SLC38A9: variants seen among roughly 807,000 people sequenced by gnomAD.
SLC38A9 encodes the protein solute carrier family 38 member 9.
Under a neutral mutation model 62.3 loss-of-function variants are expected in SLC38A9, and 48 were observed. That is an observed-to-expected ratio of 0.77 (90% CI 0.61 to 0.98). The LOEUF is 0.98. Among genes scored for constraint, SLC38A9 ranks in the 50% least tolerant of loss-of-function variants. The pLI, the probability that SLC38A9 is intolerant of heterozygous loss-of-function variation, is 0.00. For synonymous variants in SLC38A9, 204 were observed against 227.7 expected, an observed-to-expected ratio of 0.90 and a Z score of 0.94; for missense variants, 541 against 679.8, an observed-to-expected ratio of 0.80 and a Z score of 2.27.
chr5:55,688,472 C>T (rs375042383), intron 3 of SLC38A9, among the ~76,000 whole-genome samples: 6 of 151,350 alleles, frequency 4.0e-5, no homozygotes, highest in East Asian at 3.9e-4. Context: ...CTCTGCCTCC[C>T]GGGTTCACAC....
At chr5:55,664,252 T>C (rs1205913899) in intron 8 of SLC38A9, among the ~76,000 whole-genome samples, 1 of 152,146 alleles carries the variant, frequency 6.6e-6, no homozygotes, top group Non-Finnish European at 1.5e-5. Flanking sequence ...AAGTAGCTGA[T>C]TTGGGTAAAT....
chr5:55,685,150 C>G (rs1252054643), intron 3 of SLC38A9, among the ~76,000 whole-genome samples: 4 of 152,226 alleles, frequency 2.6e-5, no homozygotes, highest in Non-Finnish European at 5.9e-5. Context: ...TTCTCAACAA[C>G]TTGGTCAGCC....
intron 8 of SLC38A9, among the ~76,000 whole-genome samples, chr5:55,662,374 T>C (rs1310086230): frequency 6.6e-6 from 1 of 152,124 alleles, no homozygotes; most frequent in East Asian, 1.9e-4. Context: ...AGCGTTTATG[T>C]AGATTAAAAA....
intron 2 of SLC38A9, among the ~76,000 whole-genome samples, chr5:55,706,760 A>C (rs1338656678): frequency 6.6e-6 from 1 of 152,192 alleles, no homozygotes; most frequent in Non-Finnish European, 1.5e-5. Context: ...GTCAATTAGC[A>C]TGATGTTAAA....
chr5:55,660,586 A>G (rs150653979), intron 8 of SLC38A9, among the ~76,000 whole-genome samples: 46 of 152,316 alleles, frequency 3.0e-4, no homozygotes, highest in Non-Finnish European at 5.3e-4. Context: ...CAATGAATAA[A>G]TTCTATCTAA....
chr5:55,626,725 CAT>C (rs1313822718), intron 15 of SLC38A9, 66 bp from the exon 16 acceptor site: 11 of 1,397,546 alleles, frequency 7.9e-6, no homozygotes, highest in Non-Finnish European at 8.6e-6. Flanking sequence ...TTAAGGTAAA[CAT>C]AGTACAATTT....
intron 14 of SLC38A9, among the ~76,000 whole-genome samples, chr5:55,631,476 T>G (rs1384869002): frequency 6.6e-6 from 1 of 152,214 alleles, no homozygotes; most frequent in Non-Finnish European, 1.5e-5. Flanking sequence ...TTGCTTAGCA[T>G]TTTTTCATCT....
At chr5:55,671,654 C>G (rs1308107032) in intron 4 of SLC38A9, among the ~76,000 whole-genome samples, 2 of 151,926 alleles carry the variant, frequency 1.3e-5, no homozygotes, top group Admixed American at 6.6e-5. Flanking sequence ...TCAAGACCAG[C>G]CTGGCCAACA....
At chr5:55,673,255 A>G (rs941023115) in intron 3 of SLC38A9, 1 of 152,268 alleles carries the variant, frequency 6.6e-6, no homozygotes, top group East Asian at 1.9e-4. Context: ...CATCATGACA[A>G]TGGAGATATT....
intron 2 of SLC38A9, chr5:55,703,942 G>C (rs1387584901): frequency 1.3e-5 from 2 of 152,158 alleles, no homozygotes; most frequent in Non-Finnish European, 1.5e-5. Flanking sequence ...TTGAGGCCAG[G>C]AGATTCAGAG....
intron 3 of SLC38A9, among the ~76,000 whole-genome samples, chr5:55,690,263 A>C (rs1754540025): frequency 6.6e-6 from 1 of 152,094 alleles, no homozygotes; most frequent in Admixed American, 6.5e-5. Context: ...AAGTGCTGGG[A>C]TTACAGGTGT....
chr5:55,684,920 C>T (rs1337408429), intron 3 of SLC38A9, among the ~76,000 whole-genome samples: 2 of 152,156 alleles, frequency 1.3e-5, no homozygotes, highest in East Asian at 3.9e-4. Context: ...TTCCAAGGTG[C>T]TGGGATTACA....
At chr5:55,656,858 A>AT in intron 8 of SLC38A9, 84 bp from the exon 9 acceptor site, 2 of 491,120 alleles carry the variant, frequency 4.1e-6, no homozygotes, top group Non-Finnish European at 3.0e-6. Context: ...ATTTATAAAA[A>AT]TCTTTTTTTT....
At chr5:55,671,865 T>C (rs1400623987) in intron 4 of SLC38A9, among the ~76,000 whole-genome samples, 3 of 151,602 alleles carry the variant, frequency 2.0e-5, no homozygotes, top group Admixed American at 1.3e-4. Flanking sequence ...AAGAGATGGG[T>C]CACACTCTTT....
In SLC38A9 at chr5:55,649,238, A is replaced by G. The variant is rs1400450673; in HGVS notation, c.1029T>C (p.His343=). ...AVRLGFHLEF[H]WFIPTEFFVP... ...CAAAAAATTCTGTTGGTATAAACCA[A>G]TGAAATTCCAAATGAAATCCCAAGC... The change falls in exon 11 of 16, where the codon CAT becomes CAC. Residue 343 remains histidine (H), a synonymous_variant. Coordinates refer to ENST00000396865, the MANE Select transcript of SLC38A9 (RefSeq NM_173514.4). 3.7e-6 allele frequency: 6 copies of G among 1,608,630 alleles called. No homozygotes were observed. The highest frequency in any genetic ancestry group is 4.5e-5 in the East Asian group (2 of 44,726).
chr5:55,643,765 A>G (rs1337519729), intron 12 of SLC38A9, among the ~76,000 whole-genome samples: 11 of 152,202 alleles, frequency 7.2e-5, no homozygotes, highest in Admixed American at 7.2e-4. Context: ...TGATCCCTAC[A>G]GATCATTATG....
intron 9 of SLC38A9, among the ~76,000 whole-genome samples, chr5:55,656,105 T>G (rs1748371680): frequency 6.6e-6 from 1 of 151,772 alleles, no homozygotes; most frequent in Non-Finnish European, 1.5e-5. Context: ...TTGAAAATAC[T>G]GATTATTCAC....
intron 14 of SLC38A9, among the ~76,000 whole-genome samples, chr5:55,631,444 G>A (rs1240661369): frequency 1.3e-5 from 2 of 152,090 alleles, no homozygotes; most frequent in Non-Finnish European, 2.9e-5. Flanking sequence ...CAAAATAATG[G>A]TAGAAAACAG....
At chr5:55,644,186 C>T (rs1745891105) in intron 12 of SLC38A9, among the ~76,000 whole-genome samples, 2 of 152,100 alleles carry the variant, frequency 1.3e-5, no homozygotes, top group Admixed American at 1.3e-4. Flanking sequence ...GTCTCGAACA[C>T]CTGGCCTCAA....
Sources: allele counts gnomAD v4.1 joint callset (sites outside exome capture counted in the v4.1 genomes callset), GRCh38; gene constraint gnomAD v4.1.1; transcripts MANE v1.5; gene names NCBI Gene and HGNC (gene_info 2026-07-23, HGNC 2026-07-21).